ATP8A2: variants seen among roughly 807,000 people sequenced by gnomAD.
ATP8A2 encodes the protein ATPase phospholipid transporting 8A2.
In ATP8A2, 100 loss-of-function variants were observed where a neutral mutation model predicts 165.6. That is an observed-to-expected ratio of 0.60 (90% confidence interval 0.51 to 0.71). The LOEUF (loss-of-function observed/expected upper bound fraction) is 0.71. ATP8A2 is among the 30% of genes least tolerant of loss of function. The probability of loss-of-function intolerance (pLI) is 0.00; values close to 1 mark genes in which losing one functional copy is unlikely to be tolerated. For missense variants in ATP8A2, 1,227 were observed against 1,479.5 expected (o/e 0.83, Z 2.80); for synonymous variants, 543 against 548.8 (o/e 0.99, Z 0.15).
chr13:25,651,187 G>T (rs2041803151), intron 24 of ATP8A2, among the ~76,000 whole-genome samples: 1 of 152,174 alleles, frequency 6.6e-6, no homozygotes, highest in African/African-American at 2.4e-5. Context: ...GCTCAAACCT[G>T]TAATCCCAGC....
intron 24 of ATP8A2, among the ~76,000 whole-genome samples, chr13:25,621,885 C>G (rs1047858221): frequency 2.0e-5 from 3 of 152,040 alleles, no homozygotes; most frequent in Admixed American, 6.6e-5. Context: ...ATAAATTAAG[C>G]CTTCAGGCCA....
chr13:25,897,088 G>C (rs1953577466), intron 33 of ATP8A2, among the ~76,000 whole-genome samples: 1 of 152,156 alleles, frequency 6.6e-6, no homozygotes, highest in Non-Finnish European at 1.5e-5. Flanking sequence ...GATGTTAGCT[G>C]GTTATTTTGC....
chr13:25,572,055 T>G (rs2039480732), intron 18 of ATP8A2, among the ~76,000 whole-genome samples: 1 of 152,214 alleles, frequency 6.6e-6, no homozygotes, highest in Non-Finnish European at 1.5e-5. Flanking sequence ...CTAAGAGTTC[T>G]TACTCAATGA....
At chr13:25,691,567 T>C (rs1296897313) in intron 24 of ATP8A2, among the ~76,000 whole-genome samples, 6 of 152,254 alleles carry the variant, frequency 3.9e-5, no homozygotes, top group Admixed American at 3.9e-4. Context: ...GGTACCAGAC[T>C]GGCACCTGGG....
At chr13:25,951,816 C>T (rs1980744) in intron 33 of ATP8A2, among the ~76,000 whole-genome samples, 11 of 151,566 alleles carry the variant, frequency 7.3e-5, no homozygotes, top group Admixed American at 2.0e-4. Context: ...ACACTGATAC[C>T]GCCCACTGTC....
intron 25 of ATP8A2, among the ~76,000 whole-genome samples, chr13:25,717,332 G>GT (rs1364335163): frequency 1.1e-4 from 17 of 150,110 alleles, no homozygotes; most frequent in African/African-American, 3.9e-4. Flanking sequence ...GATTTTGGTA[G>GT]TTATGATAGC....
At chr13:25,386,988 C>T (rs2033077238) in intron 1 of ATP8A2, among the ~76,000 whole-genome samples, 1 of 96,810 alleles carries the variant, frequency 1.0e-5, no homozygotes, top group Non-Finnish European at 2.8e-5. Context: ...CAGAGCGAGA[C>T]TCCATCTCAA....
chr13:25,961,564 A>C lies in ATP8A2; in HGVS notation c.3184-11A>C, dbSNP rs770341419. ...AAGTATTCAAGCAAGTGTCACTTCT[A>C]TTTCTTGCAGGCAACTATGGTCCTG... On this transcript the variant is annotated splice_polypyrimidine_tract_variant and intron_variant, in intron 33 of 36. Coordinates refer to ENST00000381655, the MANE Select transcript of ATP8A2 (RefSeq NM_016529.6). The C allele has an allele frequency of 3.3e-5, 53 of 1,604,192 alleles. No homozygotes were observed. Among genetic ancestry groups the C allele is most frequent in the Non-Finnish European group, 4.4e-5 (51 of 1,171,218 alleles).
At chr13:25,683,151 A>G (rs192716389) in intron 24 of ATP8A2, among the ~76,000 whole-genome samples, 315 of 151,514 alleles carry the variant, frequency 2.1e-3, no homozygotes, top group African/African-American at 7.3e-3. Flanking sequence ...TTATTTTAGT[A>G]ATGGTGTATA....
chr13:25,883,081 G>T (rs1199699657), intron 33 of ATP8A2, among the ~76,000 whole-genome samples: 1 of 152,090 alleles, frequency 6.6e-6, no homozygotes, highest in African/African-American at 2.4e-5. Flanking sequence ...GAAGTTAACA[G>T]CCCTGCTCAA....
chr13:25,828,262 A>C (rs1385986247), intron 28 of ATP8A2, 70 bp downstream of exon 28: 5 of 1,241,336 alleles, frequency 4.0e-6, no homozygotes, highest in Non-Finnish European at 5.9e-6. Flanking sequence ...TTCACTGTTT[A>C]TGTCTGGGAA....
chr13:25,602,776 TA>T (rs2040420529), intron 24 of ATP8A2, among the ~76,000 whole-genome samples: 1 of 152,152 alleles, frequency 6.6e-6, no homozygotes. Flanking sequence ...ATTTACCTTT[TA>T]AAAGGATATC....
chr13:25,551,284 C>T (rs1681717048), intron 10 of ATP8A2, 54 bp from the exon 11 acceptor site: 3 of 1,536,612 alleles, frequency 2.0e-6, no homozygotes, highest in African/African-American at 2.7e-5. Flanking sequence ...TCCCCCAACC[C>T]CTTGCCCCAA....
intron 1 of ATP8A2, among the ~76,000 whole-genome samples, chr13:25,396,137 C>G (rs1272877095): frequency 6.6e-6 from 1 of 152,146 alleles, no homozygotes; most frequent in East Asian, 1.9e-4. Context: ...CCACCACGCC[C>G]AGCCCTGATC....
chr13:25,574,927 C>T (rs972034542), intron 19 of ATP8A2, 70 bp downstream of exon 19: 1 of 865,706 alleles, frequency 1.2e-6, no homozygotes, highest in Non-Finnish European at 1.9e-6. Flanking sequence ...AGAGTGTTTA[C>T]ATGATTGTAT....
At chr13:25,465,953 G>A (rs2035657411) in intron 1 of ATP8A2, among the ~76,000 whole-genome samples, 1 of 151,408 alleles carries the variant, frequency 6.6e-6, no homozygotes, top group Non-Finnish European at 1.5e-5. Flanking sequence ...TGTTTCTTAT[G>A]TCCATCCTTT....
intron 27 of ATP8A2, among the ~76,000 whole-genome samples, chr13:25,819,358 G>A (rs932706672): frequency 1.3e-4 from 19 of 151,970 alleles, no homozygotes; most frequent in African/African-American, 4.6e-4. Context: ...ATTTAATTCT[G>A]GCCACTCCAT....
rs930302292 is a variant in ATP8A2 at position 25,532,398 on chromosome 13, T to C, written c.466+81T>C. The C allele has an allele frequency of 1.1e-5, 10 of 890,272 alleles. No individual in the cohort carries two copies. The East Asian group carries it at 2.2e-4, about 20-fold the overall frequency. The allele number at this position is 890,272 out of a possible 1,614,324, so 55.1% of individuals were successfully genotyped here. On this transcript the variant is annotated intron_variant, in intron 5 of 36. Transcript: ENST00000381655. ...CATTTAAGGAATTTTAAATAAGTAG[T>C]GAATGGTATTGAGATAAATTGGGAA... is the stretch of plus-strand genomic sequence containing the variant.
In ATP8A2 at chr13:25,563,409, C is replaced by CAA. The variant is rs35264699; in HGVS notation, c.1398-537_1398-536dup. On this transcript the variant is annotated intron_variant, in intron 15 of 36. Coordinates refer to ENST00000381655, the MANE Select transcript of ATP8A2 (RefSeq NM_016529.6). ...GGGCAACAAGGGTGAAATTTCATCT[C>CAA]AAAAAAAAAAATTTCAGGAGGGAGT... is the stretch of plus-strand genomic sequence containing the variant. Among the ~76,000 whole-genome samples, 391 of 149,694 alleles carry CAA rather than the reference C, an allele frequency of 2.6e-3. 1 individual carries two copies. The highest frequency in any genetic ancestry group is 3.3e-3 in the African/African-American group (136 of 40,944).
Sources: gnomAD v4.1 joint callset for allele counts (sites outside exome capture counted in the v4.1 genomes callset) on GRCh38, gnomAD v4.1.1 for gene constraint, MANE v1.5 for transcripts, NCBI Gene and HGNC (gene_info 2026-07-23, HGNC 2026-07-21) for gene names.